Variants in FOXN3 observed in about 807,000 individuals in gnomAD.
The protein encoded by FOXN3 is forkhead box N3.
FOXN3 carries 7 observed loss-of-function variants against 38.4 expected under a neutral mutation model. The ratio of observed to expected loss-of-function variants is 0.18; its 90% CI spans 0.10 to 0.34. The LOEUF (loss-of-function observed/expected upper bound fraction) is 0.34. Among genes scored for constraint, FOXN3 ranks in the 10% least tolerant of loss-of-function variants. FOXN3 has a pLI of 1.00. For missense variants in FOXN3, 456 were observed against 613.4 expected (o/e 0.74, Z 2.71); for synonymous variants, 230 against 242.2 (o/e 0.95, Z 0.47).
intron 3 of FOXN3, among the ~76,000 whole-genome samples, chr14:89,309,003 A>T (rs1177908319): frequency 6.6e-6 from 1 of 152,182 alleles, no homozygotes; most frequent in African/African-American, 2.4e-5. Context: ...GCCTGGCCGC[A>T]CGGTGGTCTG....
At chr14:89,179,558 C>A (rs996801119) in intron 5 of FOXN3, among the ~76,000 whole-genome samples, 1 of 152,176 alleles carries the variant, frequency 6.6e-6, no homozygotes, top group African/African-American at 2.4e-5. Flanking sequence ...CAACCAGGAC[C>A]TGGCACATGC....
intron 1 of FOXN3, among the ~76,000 whole-genome samples, chr14:89,511,746 A>C (rs1894097405): frequency 6.6e-6 from 1 of 152,178 alleles, no homozygotes; most frequent in African/African-American, 2.4e-5. Flanking sequence ...TTATAAAGAA[A>C]AGAAGTTTAA....
intron 1 of FOXN3, among the ~76,000 whole-genome samples, chr14:89,568,434 A>G (rs1895412043): frequency 6.6e-6 from 1 of 152,040 alleles, no homozygotes; most frequent in Non-Finnish European, 1.5e-5. Context: ...CCGCACATCC[A>G]TGCCACACTC....
At chr14:89,470,283 C>T (rs138538970) in intron 1 of FOXN3, among the ~76,000 whole-genome samples, 2 of 85,808 alleles carry the variant, frequency 2.3e-5, no homozygotes, top group Admixed American at 1.6e-4. Flanking sequence ...ACATATTTCT[C>T]TCTGACTTTC....
intron 4 of FOXN3, among the ~76,000 whole-genome samples, chr14:89,199,090 G>A (rs775915077): frequency 6.6e-6 from 1 of 152,118 alleles, no homozygotes; most frequent in East Asian, 1.9e-4. Context: ...CAGAACACGG[G>A]GTGCCGTCAG....
At chr14:89,547,306 G>A (rs954541849) in intron 1 of FOXN3, among the ~76,000 whole-genome samples, 2 of 151,838 alleles carry the variant, frequency 1.3e-5, no homozygotes, top group African/African-American at 4.8e-5. Context: ...CCAGGCTGGA[G>A]TGCAGTGGCA....
chr14:89,231,660 G>A (rs989233567), intron 4 of FOXN3, among the ~76,000 whole-genome samples: 2 of 152,158 alleles, frequency 1.3e-5, no homozygotes, highest in Non-Finnish European at 2.9e-5. Flanking sequence ...CTAAGGGACA[G>A]ACACAGAACC....
intron 1 of FOXN3, among the ~76,000 whole-genome samples, chr14:89,584,111 G>A (rs377363364): frequency 7.9e-5 from 12 of 151,336 alleles, no homozygotes; most frequent in African/African-American, 2.7e-4. Flanking sequence ...TGCCTGCCTC[G>A]GCCTCTCAAA....
At chr14:89,353,888 C>T (rs1889083057) in intron 2 of FOXN3, 1 of 130,486 alleles carries the variant, frequency 7.7e-6, no homozygotes, top group Non-Finnish European at 1.7e-5. Flanking sequence ...CATCACCATG[C>T]CTGGCTAACT....
At chr14:89,397,092 T>C (rs1891119026) in intron 2 of FOXN3, among the ~76,000 whole-genome samples, 1 of 152,144 alleles carries the variant, frequency 6.6e-6, no homozygotes, top group Admixed American at 6.5e-5. Context: ...CACCATGGAA[T>C]ACTATGCAGC....
rs750409570 is a variant in FOXN3 at position 89,375,765 on chromosome 14, C to CTTATT, written c.544-24962_544-24958dup. On this transcript the variant is annotated intron_variant, in intron 2 of 5. Coordinates refer to ENST00000557258, the MANE Select transcript of FOXN3 (RefSeq NM_005197.4). The stretch of plus-strand genomic sequence containing the variant: ...CACCCAGTGTCCAGTTTCGGTTTAT[C>CTTATT]TTATTTTATTTTATTTTTTTTGAGA... 2.0e-5 allele frequency among the ~76,000 whole-genome samples: 3 copies of CTTATT among 152,088 alleles called. No individual in the cohort carries two copies. In the East Asian group the frequency reaches 5.8e-4, roughly 29 times the overall value.
chr14:89,485,378 A>T (rs147611477), intron 1 of FOXN3, among the ~76,000 whole-genome samples: 1 of 152,016 alleles, frequency 6.6e-6, no homozygotes, highest in Non-Finnish European at 1.5e-5. Context: ...GCCTTACTTT[A>T]TAAATGCGTG....
intron 3 of FOXN3, among the ~76,000 whole-genome samples, chr14:89,341,714 T>C (rs1414779724): frequency 2.0e-5 from 3 of 152,230 alleles, no homozygotes; most frequent in Non-Finnish European, 4.4e-5. Flanking sequence ...CAAGACAAAG[T>C]GCCGCCTGTT....
At chr14:89,175,601 C>T (rs939066474) in intron 5 of FOXN3, among the ~76,000 whole-genome samples, 4 of 152,180 alleles carry the variant, frequency 2.6e-5, no homozygotes, top group African/African-American at 9.6e-5. Flanking sequence ...GAGGCAGACA[C>T]ACGTTTCCTC....
intron 2 of FOXN3, among the ~76,000 whole-genome samples, chr14:89,390,491 A>T (rs761476758): frequency 1.1e-3 from 94 of 82,142 alleles, no homozygotes; most frequent in Non-Finnish European, 2.1e-3. Flanking sequence ...GCTGCTTTTT[A>T]AAAAAAAAAA....
intron 1 of FOXN3, among the ~76,000 whole-genome samples, chr14:89,466,767 A>G (rs80077396): frequency 0.011 from 1,731 of 151,730 alleles, 19 homozygotes; most frequent in Admixed American, 0.015. Flanking sequence ...GACCTGTACC[A>G]CTCCCTTTGG....
intron 3 of FOXN3, among the ~76,000 whole-genome samples, chr14:89,305,592 A>G (rs949831988): frequency 4.1e-4 from 62 of 152,218 alleles, no homozygotes; most frequent in African/African-American, 1.4e-3. Context: ...AGTTTCTGCC[A>G]ACTGTTTTGT....
intron 1 of FOXN3, among the ~76,000 whole-genome samples, chr14:89,507,898 T>C (rs933154865): frequency 5.9e-5 from 9 of 152,176 alleles, no homozygotes; most frequent in African/African-American, 2.2e-4. Context: ...ACTTGTGAAG[T>C]AGAAATGATT....
intron 1 of FOXN3, among the ~76,000 whole-genome samples, chr14:89,426,241 TGAGACAGGGTC>T (rs1892025341): frequency 8.2e-6 from 1 of 122,058 alleles, no homozygotes; most frequent in Non-Finnish European, 1.7e-5. Flanking sequence ...TTTTTTTTTT[TGAGACAGGGTC>T]TTGCTCTTGT....
Sources: allele counts gnomAD v4.1 joint callset (sites outside exome capture counted in the v4.1 genomes callset), GRCh38; gene constraint gnomAD v4.1.1; transcripts MANE v1.5; gene names NCBI Gene and HGNC (gene_info 2026-07-23, HGNC 2026-07-21).